The following CNTNAP4 variants were observed in gnomAD, a reference collection of about 807,000 sequenced individuals.
The protein encoded by CNTNAP4 is contactin-associated protein-like 4.
Under a neutral mutation model 148.4 loss-of-function variants are expected in CNTNAP4, and 98 were observed. The observed-to-expected ratio is 0.66, with a 90% CI of 0.56 to 0.78. CNTNAP4 has a LOEUF of 0.78. Among genes scored for constraint, CNTNAP4 ranks in the 30% least tolerant of loss-of-function variants. The pLI is 0.00. For missense variants in CNTNAP4, 1,935 were observed against 1,565.6 expected, an observed-to-expected ratio of 1.24 and a Z score of -3.98; for synonymous variants, 730 against 565.1, an observed-to-expected ratio of 1.29 and a Z score of -4.14.
At chr16:76,495,098 A>T in intron 14 of CNTNAP4, 32 bp downstream of exon 14, 1 of 1,609,304 alleles carries the variant, frequency 6.2e-7, no homozygotes, top group Non-Finnish European at 8.5e-7. Context: ...TATGCAAGAA[A>T]AAGTTCATTT....
At chr16:76,488,795 T>G (rs1216298362) in intron 12 of CNTNAP4, among the ~76,000 whole-genome samples, 4 of 152,212 alleles carry the variant, frequency 2.6e-5, no homozygotes, top group Non-Finnish European at 4.4e-5. Flanking sequence ...CTGGTAAAGT[T>G]GAAGGGCAGA....
intron 4 of CNTNAP4, among the ~76,000 whole-genome samples, chr16:76,428,011 T>C (rs878859334): frequency 6.6e-6 from 1 of 152,166 alleles, no homozygotes; most frequent in African/African-American, 2.4e-5. Flanking sequence ...AACCAAAAAA[T>C]ATTTTTTCTT....
Position 76,553,923 on chromosome 16 carries a change from A to C in CNTNAP4, c.3733+16A>C, listed in dbSNP as rs948830781. 4 of 1,492,988 alleles carry C rather than the reference A, an allele frequency of 2.7e-6. No individual in the cohort carries two copies. In the African/African-American group the frequency reaches 5.5e-5, roughly 21 times the overall value. 92.5% of individuals were successfully genotyped at this position (1,492,988 alleles called of 1,614,324 possible). On this transcript the variant is annotated intron_variant, in intron 23 of 23. Transcript: ENST00000611870. ...GTAATTGGAGGTAATAAGAAGCATGAATGAGCTCTTCTTTGGTTGTTCTTA... is the reference window on the plus strand; with the variant it reads ...GTAATTGGAGGTAATAAGAAGCATGCATGAGCTCTTCTTTGGTTGTTCTTA...
chr16:76,375,282 C>A (rs1214570163), intron 3 of CNTNAP4, among the ~76,000 whole-genome samples: 1 of 151,974 alleles, frequency 6.6e-6, no homozygotes, highest in South Asian at 2.1e-4. Flanking sequence ...ATCAGCCAGG[C>A]GTGGTGGCAT....
intron 1 of CNTNAP4, among the ~76,000 whole-genome samples, chr16:76,302,905 A>G (rs917589204): frequency 2.0e-5 from 3 of 152,172 alleles, no homozygotes; most frequent in Non-Finnish European, 4.4e-5. Flanking sequence ...CAGGAGCTGG[A>G]AACATTTGAG....
chr16:76,417,746 T>C (rs1044544259), intron 3 of CNTNAP4, among the ~76,000 whole-genome samples: 3 of 151,716 alleles, frequency 2.0e-5, no homozygotes, highest in African/African-American at 7.2e-5. Flanking sequence ...TTTCCTTTTG[T>C]CTGAATAACT....
chr16:76,284,274 G>A (rs1050726401), intron 1 of CNTNAP4, among the ~76,000 whole-genome samples: 11 of 151,810 alleles, frequency 7.2e-5, no homozygotes, highest in African/African-American at 2.7e-4. Context: ...AAAATGTATG[G>A]ATGATTGTTT....
At chr16:76,432,108 G>C (rs763839396) in intron 4 of CNTNAP4, among the ~76,000 whole-genome samples, 2 of 152,088 alleles carry the variant, frequency 1.3e-5, no homozygotes, top group Non-Finnish European at 2.9e-5. Context: ...CTCATGTCTT[G>C]AAAAATGGGA....
At chr16:76,480,612 C>T (rs1404100653) in intron 12 of CNTNAP4, among the ~76,000 whole-genome samples, 1 of 152,104 alleles carries the variant, frequency 6.6e-6, no homozygotes, top group African/African-American at 2.4e-5. Context: ...GTGGCATGCG[C>T]TTGCAGTCCC....
At chr16:76,439,465 T>C (rs2079956648) in intron 4 of CNTNAP4, among the ~76,000 whole-genome samples, 1 of 152,164 alleles carries the variant, frequency 6.6e-6, no homozygotes. Flanking sequence ...ATAAGGAAAC[T>C]GAGAATCAAC....
chr16:76,308,804 A>T (rs1272221637), intron 1 of CNTNAP4, among the ~76,000 whole-genome samples: 1 of 152,032 alleles, frequency 6.6e-6, no homozygotes, highest in African/African-American at 2.4e-5. Context: ...ACCTGGAGCT[A>T]AGCCATAGAA....
At chr16:76,425,486 G>C (rs2079355038) in intron 3 of CNTNAP4, among the ~76,000 whole-genome samples, 1 of 152,142 alleles carries the variant, frequency 6.6e-6, no homozygotes, top group African/African-American at 2.4e-5. Flanking sequence ...CTTTAGTAGA[G>C]TTTGTTTTCT....
chr16:76,322,203 G>A (rs1283004525), intron 2 of CNTNAP4, among the ~76,000 whole-genome samples: 6 of 152,224 alleles, frequency 3.9e-5, no homozygotes, highest in Admixed American at 1.3e-4. Context: ...GATTCAGGCT[G>A]TGGCATGTGA....
chr16:76,341,981 A>G (rs140055730), intron 2 of CNTNAP4, among the ~76,000 whole-genome samples: 4 of 152,312 alleles, frequency 2.6e-5, no homozygotes, highest in African/African-American at 9.6e-5. Flanking sequence ...CTTCTGATCT[A>G]GATGTTTTTG....
chr16:76,443,696 AAAAT>A (rs1266021391), intron 4 of CNTNAP4, among the ~76,000 whole-genome samples: 3 of 152,232 alleles, frequency 2.0e-5, no homozygotes, highest in African/African-American at 4.8e-5. Flanking sequence ...TAGTGTTTCT[AAAAT>A]AAATATTGAT....
At chr16:76,395,995 C>T (rs145361264) in intron 3 of CNTNAP4, among the ~76,000 whole-genome samples, 65 of 152,186 alleles carry the variant, frequency 4.3e-4, no homozygotes, top group African/African-American at 1.3e-3. Flanking sequence ...TCCCAAAATG[C>T]GAGGATTACA....
intron 15 of CNTNAP4, among the ~76,000 whole-genome samples, chr16:76,517,276 G>A (rs1042144318): frequency 2.6e-5 from 4 of 152,088 alleles, no homozygotes; most frequent in African/African-American, 9.7e-5. Context: ...CAATAGAAAT[G>A]TTCTGCCTCT....
At chr16:76,493,249 G>C (rs928336896) in intron 13 of CNTNAP4, among the ~76,000 whole-genome samples, 6 of 152,152 alleles carry the variant, frequency 3.9e-5, no homozygotes, top group Admixed American at 6.6e-5. Flanking sequence ...TTAGTGTCAA[G>C]TGATAATGAT....
intron 7 of CNTNAP4, among the ~76,000 whole-genome samples, chr16:76,452,256 A>C (rs553805779): frequency 7.2e-5 from 11 of 152,300 alleles, no homozygotes; most frequent in African/African-American, 1.9e-4. Context: ...TTTTATTCCA[A>C]TGTGTATTCT....
Sources: allele counts gnomAD v4.1 joint callset (sites outside exome capture counted in the v4.1 genomes callset), GRCh38; gene constraint gnomAD v4.1.1; transcripts MANE v1.5; gene names NCBI Gene and HGNC (gene_info 2026-07-23, HGNC 2026-07-21).